The following CRNKL1 variants were observed in gnomAD, a reference collection of about 807,000 sequenced individuals.
CRNKL1 encodes the protein crooked neck pre-mRNA splicing factor 1.
CRNKL1 carries 35 observed loss-of-function variants against 103.7 expected under a neutral mutation model. The observed-to-expected ratio is 0.34, with a 90% CI of 0.26 to 0.45. The LOEUF is 0.45. Among genes scored for constraint, CRNKL1 ranks in the 20% least tolerant of loss-of-function variants. The pLI is 1.00. For synonymous variants in CRNKL1, 267 were observed against 282.6 expected (o/e 0.94, Z 0.55); for missense variants, 645 against 836.0 (o/e 0.77, Z 2.82).
intron 6 of CRNKL1, among the ~76,000 whole-genome samples, chr20:20,044,695 T>C (rs2043567775): frequency 1.3e-5 from 2 of 152,156 alleles, no homozygotes; most frequent in Non-Finnish European, 2.9e-5. Context: ...ACATAGCTCA[T>C]TGTAGTCTCA....
upstream of CRNKL1, chr20:20,052,846 C>A: frequency 1.1e-6 from 1 of 910,936 alleles, no homozygotes; most frequent in South Asian, 1.7e-5. Context: ...GGCTGCAATG[C>A]CTCGAGCATT....
upstream of CRNKL1, among the ~76,000 whole-genome samples, chr20:20,054,021 T>TTGTTTCTG (rs776918983): frequency 2.0e-5 from 3 of 146,682 alleles, no homozygotes; most frequent in Non-Finnish European, 4.5e-5. Flanking sequence ...TTGTTTTTTT[T>TTGTTTCTG]TTTTTTTTTT....
Position 20,038,253 on chromosome 20 carries a change from AAC to A in CRNKL1, c.1647+94_1647+95del, listed in dbSNP as rs1194331624. 935 of 757,170 alleles carry A rather than the reference AAC, an allele frequency of 1.2e-3. 6 individuals are homozygous for A. The African/African-American group carries it at 0.015, about 12-fold the overall frequency. The allele number at this position is 757,170 out of a possible 1,614,324, so 46.9% of individuals were successfully genotyped here. A position where few individuals can be genotyped will look rare whatever the true frequency, so the allele number is the denominator to read the frequency against. On this transcript the variant is annotated intron_variant, in intron 12 of 13. Coordinates refer to ENST00000536226, the MANE Select transcript of CRNKL1 (RefSeq NM_001278628.2). Reference sequence around the variant, plus strand: ...AGGAAGTCATTAAAAAAAAAAAAAAAACAAAAACCCAAACACTTAAAATACAG... The same window carrying A: ...AGGAAGTCATTAAAAAAAAAAAAAAAAAAAACCCAAACACTTAAAATACAG...
Position 20,050,637 on chromosome 20 carries a change from G to A in CRNKL1, c.52-15C>T, listed in dbSNP as rs745917035. 3.2e-6 allele frequency: 5 copies of A among 1,585,624 alleles called. No homozygotes were observed. The highest frequency in any genetic ancestry group is 2.3e-5 in the South Asian group (2 of 85,214). The stretch of plus-strand genomic sequence containing the variant: ...TTGTTTTTCACCTTTTAAGAAAGAA[G>A]ACATTTCTATTTTTAGTAGTTGCTC... On this transcript the variant is annotated splice_polypyrimidine_tract_variant and intron_variant, in intron 1 of 13. Transcript: ENST00000536226.
Position 20,043,365 on chromosome 20 carries a change from T to C in CRNKL1, c.972+127A>G. 3.3e-6 allele frequency: 3 copies of C among 916,878 alleles called. No individual in the cohort carries two copies. The Admixed American group carries it at 7.0e-5, about 21-fold the overall frequency. 56.8% of individuals were successfully genotyped at this position (916,878 alleles called of 1,614,324 possible). ...TTGTCTGAAATAGCTGCCAATTGGA[T>C]CACGGGCACATCATCACGAGAGTAA... On this transcript the variant is annotated intron_variant, in intron 7 of 13. Coordinates refer to ENST00000536226, the MANE Select transcript of CRNKL1 (RefSeq NM_001278628.2).
intron 9 of CRNKL1, among the ~76,000 whole-genome samples, chr20:20,041,072 T>C (rs2043505388): frequency 6.6e-6 from 1 of 152,222 alleles, no homozygotes; most frequent in African/African-American, 2.4e-5. Context: ...CAGACTTTGT[T>C]TTGTAGGCAT....
At chr20:20,039,909 T>A (rs1268328465) in intron 10 of CRNKL1, 61 bp from the exon 11 acceptor site, 1 of 1,554,154 alleles carries the variant, frequency 6.4e-7, no homozygotes. Flanking sequence ...GTGCAGTTAT[T>A]GCACTGCCCT....
chr20:20,045,368 A>T lies in CRNKL1; in HGVS notation c.741T>A (p.Asp247Glu). 1 of 1,613,916 alleles carries T rather than the reference A, an allele frequency of 6.2e-7. No individual in the cohort carries two copies. The highest frequency in any genetic ancestry group is 8.5e-7 in the Non-Finnish European group (1 of 1,179,962). Residue 247 changes from aspartate to glutamate, a missense_variant, in exon 6 of 14, where the codon GAT becomes GAA. By Grantham distance (45) the Asp-to-Glu change is conservative (BLOSUM62 2). Coordinates refer to ENST00000536226, the MANE Select transcript of CRNKL1 (RefSeq NM_001278628.2). ...CATAAAGGTGCTCATCCATATGTTC[A>T]TCTCCAAAGAATTCCACAGCTCTCT... ...VYERAVEFFG[D>E]EHMDEHLYVA...
rs1303534258 is a variant in CRNKL1 at position 20,035,088 on chromosome 20, T to TC, written c.*1106dup. ...AATACATTCATTCTTGTGCTACTCT[T>TC]CATTATTTAGCATAGAGCTACCTTA... On this transcript the variant is annotated 3_prime_UTR_variant, in exon 14 of 14. Coordinates refer to ENST00000536226, the MANE Select transcript of CRNKL1 (RefSeq NM_001278628.2). 2.6e-5 allele frequency: 4 copies of TC among 152,330 alleles called. No individual in the cohort carries two copies. The highest frequency in any genetic ancestry group is 3.4e-3 in the Middle Eastern group (1 of 294). 9.4% of individuals were successfully genotyped at this position (152,330 alleles called of 1,614,324 possible).
chr20:20,054,341 C>T (rs1173326351), upstream of CRNKL1, among the ~76,000 whole-genome samples: 1 of 151,666 alleles, frequency 6.6e-6, no homozygotes, highest in Non-Finnish European at 1.5e-5. Flanking sequence ...AAACTATGGG[C>T]CGTAGACTAA....
At chr20:20,045,767 C>A (rs77318411) in intron 5 of CRNKL1, among the ~76,000 whole-genome samples, 1,524 of 152,292 alleles carry the variant, frequency 0.01, 24 homozygotes, top group African/African-American at 0.034. Flanking sequence ...AGGTTACCAA[C>A]CATGTGATCT....
intron 7 of CRNKL1, 109 bp downstream of exon 7, chr20:20,043,383 G>A (rs535344084): frequency 6.8e-5 from 72 of 1,060,806 alleles, no homozygotes; most frequent in Admixed American, 1.1e-4. Flanking sequence ...ACATCATCAC[G>A]AGAGTAATCA....
At chr20:20,038,051 C>T (rs2043450073) in intron 12 of CRNKL1, among the ~76,000 whole-genome samples, 2 of 150,892 alleles carry the variant, frequency 1.3e-5, no homozygotes, top group African/African-American at 2.4e-5. Context: ...AACGCCACTG[C>T]ACTCCAGCCT....
chr20:20,052,607 C>T (rs370706858), upstream of CRNKL1: 85 of 1,613,634 alleles, frequency 5.3e-5, 1 homozygote, highest in Middle Eastern at 4.1e-3. Flanking sequence ...TAACGCCGTG[C>T]TGACTAGCAG....
At chr20:20,046,533 G>A (rs1036309537) in intron 5 of CRNKL1, among the ~76,000 whole-genome samples, 2 of 152,188 alleles carry the variant, frequency 1.3e-5, no homozygotes, top group Non-Finnish European at 2.9e-5. Context: ...ATTGAGTACT[G>A]AACCACTGCT....
chr20:20,052,660 A>G (rs1184653553), upstream of CRNKL1: 4 of 1,613,302 alleles, frequency 2.5e-6, no homozygotes, highest in Non-Finnish European at 3.4e-6. Flanking sequence ...GCGCATCCCC[A>G]GGTCAGCCTC....
At position 20,052,274 on chromosome 20, in the gene CRNKL1, C is replaced by G. The variant is rs540598140; in HGVS notation, c.51+18G>C. ...CTTTCCTAGGCCACCTCCTACAAGG[C>G]CCCTCGCGATCGCCTACCTTGGCCA... is the stretch of plus-strand genomic sequence containing the variant. On this transcript the variant is annotated intron_variant, in intron 1 of 13. Transcript: ENST00000536226. 2 of 1,597,284 alleles carry G rather than the reference C, an allele frequency of 1.3e-6. No individual in the cohort carries two copies. The highest frequency in any genetic ancestry group is 1.7e-5 in the Admixed American group (1 of 59,500).
chr20:20,052,555 A>G (rs1167026135), upstream of CRNKL1: 8 of 1,613,956 alleles, frequency 5.0e-6, no homozygotes, highest in Non-Finnish European at 6.8e-6. Context: ...TCCTTGCGGC[A>G]GCGCGTGGAG....
At chr20:20,052,932 G>A (rs565319582), upstream of CRNKL1, among the ~76,000 whole-genome samples, 2 of 149,298 alleles carry the variant, frequency 1.3e-5, no homozygotes, top group Admixed American at 1.3e-4. Flanking sequence ...ATTCTAAGGT[G>A]CCCAAATAAT....
Sources: allele counts gnomAD v4.1 joint callset (sites outside exome capture counted in the v4.1 genomes callset), GRCh38; gene constraint gnomAD v4.1.1; transcripts MANE v1.5; gene names NCBI Gene and HGNC (gene_info 2026-07-23, HGNC 2026-07-21).